Variants in C6 observed in about 807,000 individuals in gnomAD.
The protein encoded by C6 is complement C6.
Under a neutral mutation model 112.9 loss-of-function variants are expected in C6, and 101 were observed. The observed-to-expected ratio is 0.89, with a 90% CI of 0.76 to 1.06. The LOEUF (loss-of-function observed/expected upper bound fraction) is 1.06. Among genes scored for constraint, C6 ranks in the 50% least tolerant of loss-of-function variants. The pLI, the probability that C6 is intolerant of heterozygous loss-of-function variation, is 0.00. For missense variants in C6, 1,202 were observed against 1,104.6 expected, an observed-to-expected ratio of 1.09 and a Z score of -1.25; for synonymous variants, 431 against 384.1, an observed-to-expected ratio of 1.12 and a Z score of -1.43.
At chr5:41,181,785 ACCAGTGGAATC>A (rs1331927891) in intron 6 of C6, among the ~76,000 whole-genome samples, 3 of 152,290 alleles carry the variant, frequency 2.0e-5, no homozygotes, top group East Asian at 3.9e-4. Context: ...GTACTGTGTG[ACCAGTGGAATC>A]CCACAGGAAA....
chr5:41,225,816 A>G (rs1428452482), intron 1 of C6, among the ~76,000 whole-genome samples: 8 of 152,204 alleles, frequency 5.3e-5, no homozygotes, highest in Non-Finnish European at 1.2e-4. Context: ...CAACTATCTG[A>G]TCTTTGACAA....
intron 1 of C6, among the ~76,000 whole-genome samples, chr5:41,234,217 T>C (rs73750103): frequency 0.028 from 4,228 of 152,174 alleles, 221 homozygotes; most frequent in African/African-American, 0.096. Context: ...TGTATCAATA[T>C]CAATAACTTC....
At chr5:41,225,860 C>A (rs1299823634) in intron 1 of C6, among the ~76,000 whole-genome samples, 4 of 152,146 alleles carry the variant, frequency 2.6e-5, no homozygotes, top group African/African-American at 9.7e-5. Context: ...GAAAGGATTC[C>A]CTATTTAATA....
At chr5:41,184,281 A>T (rs1284533898) in intron 6 of C6, among the ~76,000 whole-genome samples, 1 of 152,130 alleles carries the variant, frequency 6.6e-6, no homozygotes, top group Non-Finnish European at 1.5e-5. Context: ...TAGTTTATGA[A>T]GGTGCTCAGA....
chr5:41,227,809 T>C (rs531969875), intron 1 of C6, among the ~76,000 whole-genome samples: 3 of 152,312 alleles, frequency 2.0e-5, no homozygotes, highest in East Asian at 3.9e-4. Flanking sequence ...AGGTTCTCTA[T>C]TTTGTCCTAT....
At chr5:41,246,928 T>C (rs1439910618) in intron 1 of C6, among the ~76,000 whole-genome samples, 2 of 152,184 alleles carry the variant, frequency 1.3e-5, no homozygotes, top group African/African-American at 4.8e-5. Context: ...TAAATTTATA[T>C]GGTTATAAAA....
intron 5 of C6, among the ~76,000 whole-genome samples, chr5:41,188,285 T>C (rs1389651443): frequency 2.0e-5 from 3 of 152,026 alleles, no homozygotes; most frequent in Admixed American, 1.3e-4. Flanking sequence ...AAGACAATTC[T>C]AAAATTCAAA....
At chr5:41,175,611 C>T (rs1748774855) in intron 8 of C6, among the ~76,000 whole-genome samples, 1 of 152,176 alleles carries the variant, frequency 6.6e-6, no homozygotes, top group Non-Finnish European at 1.5e-5. Context: ...GACCTGATCC[C>T]TAAGCATTTA....
intron 4 of C6, among the ~76,000 whole-genome samples, chr5:41,198,972 C>A (rs913681063): frequency 6.6e-6 from 1 of 152,068 alleles, no homozygotes; most frequent in Non-Finnish European, 1.5e-5. Flanking sequence ...CAAAATATAT[C>A]TCCCTACCCA....
At chr5:41,214,607 G>A (rs1752129549), upstream of C6, among the ~76,000 whole-genome samples, 1 of 152,040 alleles carries the variant, frequency 6.6e-6, no homozygotes. Context: ...TTTGGGGCTG[G>A]GATAGCAGCT....
intron 1 of C6, among the ~76,000 whole-genome samples, chr5:41,245,491 A>G (rs923173668): frequency 2.8e-5 from 3 of 108,228 alleles, no homozygotes; most frequent in African/African-American, 7.0e-5. Context: ...ATTGCACTCC[A>G]GCCTGGGCAA....
intron 17 of C6, among the ~76,000 whole-genome samples, chr5:41,144,866 T>C (rs1018826850): frequency 4.6e-5 from 7 of 152,156 alleles, no homozygotes; most frequent in African/African-American, 1.7e-4. Context: ...TTAGTTTGCT[T>C]AGGATAATGG....
chr5:41,202,876 A>T (rs1371186794), intron 2 of C6, among the ~76,000 whole-genome samples: 1 of 152,222 alleles, frequency 6.6e-6, no homozygotes, highest in Non-Finnish European at 1.5e-5. Context: ...TTCTTAATTA[A>T]ATTTCTTTGA....
At chr5:41,175,517 G>A (rs60746065) in intron 8 of C6, among the ~76,000 whole-genome samples, 3,315 of 152,258 alleles carry the variant, frequency 0.022, 127 homozygotes, top group African/African-American at 0.075. Context: ...GAAGGTTTCC[G>A]TAGGAAAGTA....
intron 6 of C6, among the ~76,000 whole-genome samples, chr5:41,182,196 T>C (rs1303412475): frequency 6.6e-6 from 1 of 151,844 alleles, no homozygotes; most frequent in Non-Finnish European, 1.5e-5. Context: ...TTTTGGCCAA[T>C]AAAATGTAAA....
chr5:41,157,704 T>C (rs1747050531), intron 13 of C6, among the ~76,000 whole-genome samples: 1 of 152,224 alleles, frequency 6.6e-6, no homozygotes, highest in African/African-American at 2.4e-5. Flanking sequence ...CAATGGATAT[T>C]TCTGTGCCCT....
At chr5:41,162,895 G>A (rs1747654638) in intron 9 of C6, among the ~76,000 whole-genome samples, 1 of 152,094 alleles carries the variant, frequency 6.6e-6, no homozygotes, top group Non-Finnish European at 1.5e-5. Flanking sequence ...ATTTTTCATG[G>A]AAAAGTAGAA....
At chr5:41,179,557 A>G (rs559748833) in intron 7 of C6, among the ~76,000 whole-genome samples, 1 of 151,874 alleles carries the variant, frequency 6.6e-6, no homozygotes, top group African/African-American at 2.4e-5. Context: ...AGAGATGTGT[A>G]TTTTTACTTA....
At chr5:41,144,346 C>T (rs1580010032) in intron 17 of C6, among the ~76,000 whole-genome samples, 2 of 152,150 alleles carry the variant, frequency 1.3e-5, no homozygotes, top group Admixed American at 1.3e-4. Flanking sequence ...TGGCTCACTG[C>T]ACCCTCGAAC....
Sources: allele counts gnomAD v4.1 joint callset (sites outside exome capture counted in the v4.1 genomes callset), GRCh38; gene constraint gnomAD v4.1.1; transcripts MANE v1.5; gene names NCBI Gene and HGNC (gene_info 2026-07-23, HGNC 2026-07-21).